Variants in PRR12 observed in about 807,000 individuals in gnomAD.
PRR12 encodes proline-rich protein 12.
Under a neutral mutation model 138.0 loss-of-function variants are expected in PRR12, and 12 were observed. That is an observed-to-expected ratio of 0.09 (90% CI 0.06 to 0.14). The LOEUF (loss-of-function observed/expected upper bound fraction) is 0.14, where lower values mean the gene tolerates loss of function less well. PRR12 is among the 10% of genes least tolerant of loss of function. The pLI is 1.00. For missense variants in PRR12, 2,692 were observed against 2,861.3 expected, an observed-to-expected ratio of 0.94 and a Z score of 1.35; for synonymous variants, 1,567 against 1,291.7, an observed-to-expected ratio of 1.21 and a Z score of -4.57.
rs1052345052 is a variant in PRR12 at position 49,595,234 on chromosome 19, C to G, written c.899C>G (p.Pro300Arg). Residue 300 changes from proline (P) to arginine (R), a missense_variant, in exon 4 of 14, where the codon CCC (proline) becomes CGC (arginine). Pro to Arg is a moderately radical substitution (Grantham distance 103). Transcript: ENST00000418929. ...KHYQRPASAQPPPPPPPAHAL... is the reference protein window; with the variant it reads ...KHYQRPASAQRPPPPPPAHAL... ...TACCAGCGGCCAGCCAGTGCCCAGC[C>G]CCCACCACCCCCGCCACCAGCCCAT... 22 of 1,546,712 alleles carry G rather than the reference C, an allele frequency of 1.4e-5. No homozygotes were observed. The highest frequency in any genetic ancestry group is 1.8e-5 in the Non-Finnish European group (21 of 1,147,346).
Position 49,596,747 on chromosome 19 carries a change from G to T in PRR12, c.2412G>T (p.Ser804=). The change falls in exon 4 of 14, where the codon TCG becomes TCT. Residue 804 remains serine, a synonymous_variant. Coordinates refer to ENST00000418929, the MANE Select transcript of PRR12 (RefSeq NM_020719.3). The surrounding 1 kb of genome is among the most constrained non-coding windows in gnomAD (Gnocchi z 5.6). ...LPPPPPQLLP[S]VLSHAPSPSP... The stretch of plus-strand genomic sequence containing the variant: ...CGCCTCCCCCCCAGCTGCTCCCCTC[G>T]GTCCTCAGCCATGCCCCCAGTCCCT... The T allele has an allele frequency of 6.2e-7, 1 of 1,600,054 alleles. No individual in the cohort carries two copies. Among genetic ancestry groups the T allele is most frequent in the Non-Finnish European group, 8.5e-7 (1 of 1,177,742 alleles).
chr19:49,613,772 C>A (rs1488194671), intron 6 of PRR12, among the ~76,000 whole-genome samples: 1 of 152,156 alleles, frequency 6.6e-6, no homozygotes, highest in Non-Finnish European at 1.5e-5. Flanking sequence ...TTAGACTCCT[C>A]AGGTTGCTAT....
At chr19:49,593,962 C>T (rs558573739) in intron 2 of PRR12, among the ~76,000 whole-genome samples, 1 of 152,086 alleles carries the variant, frequency 6.6e-6, no homozygotes, top group African/African-American at 2.4e-5. Context: ...CCAGTTTGAC[C>T]CTTGACCCTC....
chr19:49,597,546 A>C lies in PRR12; in HGVS notation c.3211A>C (p.Lys1071Gln). Residue 1071 changes from lysine to glutamine, a missense_variant, in exon 4 of 14, where the codon AAG (lysine) becomes CAG (glutamine). Physicochemically the swap from Lys to Gln is moderately conservative, Grantham distance 53. Transcript: ENST00000418929. The surrounding 1 kb of genome is among the most constrained non-coding windows in gnomAD (Gnocchi z 6.3). The stretch of plus-strand genomic sequence containing the variant: ...CATCTTCTGCTCTACCAAGCCAAAG[A>C]AGCTGCTCAAGACATCCTCCTTCCA... ...SPIFCSTKPK[K>Q]LLKTSSFHLL... 2 of 1,582,264 alleles carry C rather than the reference A, an allele frequency of 1.3e-6. No individual in the cohort carries two copies. Among genetic ancestry groups the C allele is most frequent in the Non-Finnish European group, 8.6e-7 (1 of 1,166,524 alleles).
chr19:49,620,279 A>C, intron 9 of PRR12, 73 bp from the exon 10 acceptor site: 1 of 1,588,546 alleles, frequency 6.3e-7, no homozygotes, highest in South Asian at 1.1e-5. Flanking sequence ...CCCAGTGTTG[A>C]GAACAGTGTC....
intron 6 of PRR12, among the ~76,000 whole-genome samples, chr19:49,611,720 G>C (rs1379155292): frequency 6.8e-6 from 1 of 147,672 alleles, no homozygotes; most frequent in Non-Finnish European, 1.5e-5. Flanking sequence ...TCAGGAGATC[G>C]AGACCATCCT....
chr19:49,622,974 G>T (rs142973734), intron 11 of PRR12, among the ~76,000 whole-genome samples: 1,656 of 143,052 alleles, frequency 0.012, 17 homozygotes, highest in Non-Finnish European at 0.02. Flanking sequence ...GAGAGAGAGA[G>T]ATATTAATAT....
At position 49,591,635 on chromosome 19, in the gene PRR12, A is replaced by G. The variant is rs754788519; in HGVS notation, c.-20A>G. 120 of 322,608 alleles carry G rather than the reference A, an allele frequency of 3.7e-4. No homozygotes were observed. The highest frequency in any genetic ancestry group is 1.3e-3 in the Middle Eastern group (2 of 1,486). The allele number at this position is 322,608 out of a possible 1,614,324, so 20.0% of individuals were successfully genotyped here. ...CCCTCCCTCCCTCCCCCTCCCCCCA[A>G]TTTCCACCGCGGCCAATTCATGGAC... On this transcript the variant is annotated 5_prime_UTR_variant, in exon 1 of 14. Coordinates refer to ENST00000418929, the MANE Select transcript of PRR12 (RefSeq NM_020719.3).
intron 6 of PRR12, among the ~76,000 whole-genome samples, chr19:49,603,446 T>A (rs1053958192): frequency 2.0e-5 from 3 of 152,240 alleles, no homozygotes; most frequent in African/African-American, 7.2e-5. Flanking sequence ...ATCCCAGCAC[T>A]TCGGGAGGCC....
Position 49,597,249 on chromosome 19 carries a change from G to T in PRR12, c.2914G>T (p.Gly972Trp). The change falls in exon 4 of 14, where the codon GGG becomes TGG. Residue 972 changes from glycine to tryptophan, a missense_variant. By Grantham distance (184) the Gly-to-Trp change is radical. Transcript: ENST00000418929. This position sits in a 1 kb window ranked among gnomAD's most constrained non-coding sequence, Gnocchi z 6.3. ...CAAGGCCGGGCCACCTGAGGACGAG[G>T]GGGACCCCAAGGCTGGCGCTGGGCC... ...YGKAGPPEDE[G>W]DPKAGAGPPP... The T allele has an allele frequency of 6.4e-7, 1 of 1,573,374 alleles. No homozygotes were observed. The highest frequency in any genetic ancestry group is 2.3e-5 in the East Asian group (1 of 43,116).
In PRR12 at chr19:49,596,107, G is replaced by A; in HGVS notation, c.1772G>A (p.Ser591Asn). ...GSPGAPGKYL[S>N]SVLASAPFLA... is the part of the protein sequence containing the mutation. ...CCAGGAGCCCCTGGCAAATACCTGA[G>A]CTCAGTCTTGGCCTCAGCGCCTTTC... is the stretch of plus-strand genomic sequence containing the variant. The change falls in exon 4 of 14, where the codon AGC becomes AAC. Residue 591 changes from serine (S) to asparagine (N), a missense_variant. Ser to Asn is a conservative substitution (Grantham distance 46). Coordinates refer to ENST00000418929, the MANE Select transcript of PRR12 (RefSeq NM_020719.3). The surrounding 1 kb of genome is among the most constrained non-coding windows in gnomAD (Gnocchi z 5.6). 1 of 1,603,098 alleles carries A rather than the reference G, an allele frequency of 6.2e-7. No homozygotes were observed.
chr19:49,620,076 C>A (rs1473983962), intron 9 of PRR12, among the ~76,000 whole-genome samples: 1 of 151,790 alleles, frequency 6.6e-6, no homozygotes, highest in South Asian at 2.1e-4. Flanking sequence ...TGGTATCAAA[C>A]TCCTGACCTT....
Position 49,597,366 on chromosome 19 carries a change from G to T in PRR12, c.3031G>T (p.Asp1011Tyr). Residue 1011 changes from aspartate (D) to tyrosine (Y), a missense_variant, in exon 4 of 14, where the codon GAC becomes TAC. Asp to Tyr is a radical substitution (Grantham distance 160). This residue lies in a region of PRR12 where 840 missense variants were observed against 689.8 expected (regional missense o/e 1.22). Coordinates refer to ENST00000418929, the MANE Select transcript of PRR12 (RefSeq NM_020719.3). This position sits in a 1 kb window ranked among gnomAD's most constrained non-coding sequence, Gnocchi z 6.3. ...AGPETPGLGL[D>Y]PNKPPELPST... ...GCCCGAGACACCGGGCCTGGGCCTG[G>T]ACCCCAACAAACCGCCTGAACTGCC... 1 of 1,538,570 alleles carries T rather than the reference G, an allele frequency of 6.5e-7. No homozygotes were observed.
chr19:49,602,070 T>G (rs2080815181), intron 6 of PRR12, among the ~76,000 whole-genome samples, 152 bp downstream of exon 6: 1 of 152,056 alleles, frequency 6.6e-6, no homozygotes, highest in African/African-American at 2.4e-5. Flanking sequence ...CTGATAGAGG[T>G]GTCGAGGACC....
Position 49,591,476 on chromosome 19 carries a change from C to G in PRR12, c.-179C>G, listed in dbSNP as rs919874168. Reference sequence around the variant, plus strand: ...CTTGCCCGCCCCTCCGCCCCTGCCCCCTCCCTCCCCCGCCCGGGGCCTTCC... The same window carrying G: ...CTTGCCCGCCCCTCCGCCCCTGCCCGCTCCCTCCCCCGCCCGGGGCCTTCC... On this transcript the variant is annotated 5_prime_UTR_variant, in exon 1 of 14. Transcript: ENST00000418929. Among the ~76,000 whole-genome samples the G allele has an allele frequency of 4.0e-5, 6 of 149,844 alleles. No homozygotes were observed. The highest frequency in any genetic ancestry group is 1.5e-4 in the African/African-American group (6 of 40,834).
At chr19:49,593,534 C>G (rs1256278674) in intron 2 of PRR12, 95 bp downstream of exon 2, 1 of 642,412 alleles carries the variant, frequency 1.6e-6, no homozygotes. Flanking sequence ...CCTAATTGGC[C>G]GTGGCCCGTG....
intron 6 of PRR12, among the ~76,000 whole-genome samples, chr19:49,603,764 G>C (rs539613029): frequency 1.2e-4 from 18 of 152,098 alleles, no homozygotes; most frequent in Non-Finnish European, 2.4e-4. Context: ...ATGTGACATG[G>C]AGAAATTATG....
chr19:49,620,608 G>A, intron 10 of PRR12, 131 bp downstream of exon 10: 1 of 1,341,124 alleles, frequency 7.5e-7, no homozygotes, highest in Non-Finnish European at 1.0e-6. Flanking sequence ...AAGAGGAGCT[G>A]AGGCCTGGAC....
In PRR12 at chr19:49,599,867, C is replaced by T. The variant is rs1447289341; in HGVS notation, c.4274C>T (p.Ala1425Val). 3 of 1,612,750 alleles carry T rather than the reference C, an allele frequency of 1.9e-6. No individual in the cohort carries two copies. The highest frequency in any genetic ancestry group is 2.5e-6 in the Non-Finnish European group (3 of 1,179,736). ...DTSTPDGPPLAPAAAVPGPPP... is the reference protein window; with the variant it reads ...DTSTPDGPPLVPAAAVPGPPP... ...TCCACCCCAGATGGGCCGCCCTTGG[C>T]CCCCGCGGCTGCAGTTCCAGGGCCA... Residue 1425 changes from alanine to valine, a missense_variant, in exon 5 of 14, where the codon GCC becomes GTC. By Grantham distance (64) the Ala-to-Val change is moderately conservative (BLOSUM62 0). Transcript: ENST00000418929. This position sits in a 1 kb window ranked among gnomAD's most constrained non-coding sequence, Gnocchi z 5.0.
Sources: allele counts gnomAD v4.1 joint callset (sites outside exome capture counted in the v4.1 genomes callset), GRCh38; gene constraint gnomAD v4.1.1; regional missense constraint gnomAD v4.1.1; non-coding constraint Gnocchi (gnomAD v3.1); transcripts MANE v1.5; gene names NCBI Gene and HGNC (gene_info 2026-07-23, HGNC 2026-07-21).